GSE1: variants seen among roughly 807,000 people sequenced by gnomAD.
The protein encoded by GSE1 is Gse1 coiled-coil protein.
In GSE1, 32 loss-of-function variants were observed where a neutral mutation model predicts 112.6. The ratio of observed to expected loss-of-function variants is 0.28; its 90% CI spans 0.21 to 0.38. The LOEUF is 0.38. Among genes scored for constraint, GSE1 ranks in the 10% least tolerant of loss-of-function variants. GSE1 has a pLI of 1.00. For missense variants in GSE1, 2,348 were observed against 1,699.2 expected, an observed-to-expected ratio of 1.38 and a Z score of -6.71; for synonymous variants, 1,115 against 735.6, an observed-to-expected ratio of 1.52 and a Z score of -8.35.
chr16:85,364,240 C>G (rs1187856801), intron 2 of GSE1, among the ~76,000 whole-genome samples: 1 of 152,204 alleles, frequency 6.6e-6, no homozygotes. Context: ...CTCAGCGTCT[C>G]TCAGACCCTG....
At chr16:85,391,448 G>A (rs190182933) in intron 2 of GSE1, among the ~76,000 whole-genome samples, 5 of 152,250 alleles carry the variant, frequency 3.3e-5, no homozygotes, top group South Asian at 4.1e-4. Context: ...AAATCAAGGG[G>A]TTGGCAGGGC....
Position 85,579,002 on chromosome 16 carries a change from G to A in GSE1, c.37+22639G>A, listed in dbSNP as rs553109829. The stretch of plus-strand genomic sequence containing the variant: ...GCACAGTACCAGGCACACAGCAGGC[G>A]CTTAATCAATGTCAGTGGGCTGCCA... On this transcript the variant is annotated intron_variant, in intron 1 of 2. Coordinates refer to the GSE1 transcript ENST00000635906. 2.0e-5 allele frequency among the ~76,000 whole-genome samples: 3 copies of A among 152,254 alleles called. No homozygotes were observed. In the East Asian group the frequency reaches 5.8e-4, roughly 29 times the overall value.
At chr16:85,471,876 A>G (rs2050306638) in intron 2 of GSE1, among the ~76,000 whole-genome samples, 1 of 152,214 alleles carries the variant, frequency 6.6e-6, no homozygotes. Context: ...GTGCCTGGCT[A>G]AGCCCACATT....
intron 2 of GSE1, among the ~76,000 whole-genome samples, chr16:85,474,350 C>T (rs532939736): frequency 1.3e-5 from 2 of 152,278 alleles, no homozygotes; most frequent in East Asian, 3.9e-4. Flanking sequence ...TGCCCTCCTC[C>T]GCATCCTGCC....
intron 1 of GSE1, among the ~76,000 whole-genome samples, chr16:85,569,776 T>A (rs944617079): frequency 6.6e-6 from 1 of 152,212 alleles, no homozygotes; most frequent in East Asian, 1.9e-4. Flanking sequence ...GTGGCGTGCG[T>A]TGGGGAAAGC....
At chr16:85,524,887 G>T (rs561948576) in intron 2 of GSE1, among the ~76,000 whole-genome samples, 6 of 152,290 alleles carry the variant, frequency 3.9e-5, no homozygotes, top group East Asian at 1.9e-4. Context: ...GCATTGCTGG[G>T]ATCTCCCGAG....
At chr16:85,235,583 G>C (rs1016423812) in intron 1 of GSE1, among the ~76,000 whole-genome samples, 2 of 149,232 alleles carry the variant, frequency 1.3e-5, no homozygotes, top group African/African-American at 4.9e-5. Flanking sequence ...GGGTGGGGGG[G>C]GGGCGCGTGT....
rs116318720 is a variant in GSE1 at position 85,176,076 on chromosome 16, C to A, written c.2283+4269C>A. On this transcript the variant is annotated intron_variant, in intron 1 of 2. Transcript: ENST00000637419. ...CAATGTGCACTCACTGCAGCCTCCCCCTCCTGAGCTCAAGCAAACCTCCCA... is the reference window on the plus strand; with the variant it reads ...CAATGTGCACTCACTGCAGCCTCCCACTCCTGAGCTCAAGCAAACCTCCCA... Among the ~76,000 whole-genome samples the A allele has an allele frequency of 2.4e-3, 361 of 152,292 alleles. 1 individual carries two copies. Among genetic ancestry groups the A allele is most frequent in the African/African-American group, 8.3e-3 (346 of 41,546 alleles).
rs570295670 is a variant in GSE1 at position 85,223,170 on chromosome 16, G to A, written c.2283+51363G>A. ...CCTATGGTTATTATAAATCCTACAC[G>A]CTCCTGAATTCAGTCATGCCAAATG... On this transcript the variant is annotated intron_variant, in intron 1 of 2. Transcript: ENST00000637419. Among the ~76,000 whole-genome samples, 30 of 152,252 alleles carry A rather than the reference G, an allele frequency of 2.0e-4. No homozygotes were observed. In the South Asian group the frequency reaches 4.1e-3, roughly 21 times the overall value.
At chr16:85,625,238 C>T (rs937143313) in intron 1 of GSE1, among the ~76,000 whole-genome samples, 1 of 152,230 alleles carries the variant, frequency 6.6e-6, no homozygotes, top group African/African-American at 2.4e-5. Context: ...CTTCTCCGCA[C>T]ACACAGCAGC....
chr16:85,416,199 C>T (rs970323839), intron 2 of GSE1, among the ~76,000 whole-genome samples: 7 of 152,074 alleles, frequency 4.6e-5, no homozygotes, highest in Admixed American at 3.9e-4. Flanking sequence ...TACATTAGAG[C>T]GCCTTTACAA....
At chr16:85,619,213 C>G (rs549575100) in intron 1 of GSE1, among the ~76,000 whole-genome samples, 1 of 152,318 alleles carries the variant, frequency 6.6e-6, no homozygotes, top group African/African-American at 2.4e-5. Context: ...CACTCTGGGC[C>G]CAGGTGGCGG....
chr16:85,550,580 G>T (rs546970381), intron 2 of GSE1, among the ~76,000 whole-genome samples: 1 of 152,130 alleles, frequency 6.6e-6, no homozygotes, highest in African/African-American at 2.4e-5. Flanking sequence ...TCCAGAGGGG[G>T]GGGTTGTGGC....
At chr16:85,271,508 GGA>G (rs1908832060) in intron 1 of GSE1, among the ~76,000 whole-genome samples, 1 of 152,236 alleles carries the variant, frequency 6.6e-6, no homozygotes, top group African/African-American at 2.4e-5. Flanking sequence ...GGGGGTGAAA[GGA>G]GAGGCATCCC....
At chr16:85,478,717 G>A (rs988804166) in intron 2 of GSE1, among the ~76,000 whole-genome samples, 2 of 150,714 alleles carry the variant, frequency 1.3e-5, no homozygotes, top group Admixed American at 6.6e-5. Flanking sequence ...GCCCAGGCTG[G>A]AGTGCAGTGG....
intron 2 of GSE1, chr16:85,463,273 G>A (rs987517127): frequency 2.4e-5 from 5 of 204,186 alleles, no homozygotes; most frequent in Non-Finnish European, 3.5e-5. Flanking sequence ...GGCCACGCAC[G>A]TGCTCCCCAG....
chr16:85,653,116 T>G (rs192454246), intron 3 of GSE1, among the ~76,000 whole-genome samples: 16 of 141,640 alleles, frequency 1.1e-4, no homozygotes, highest in Non-Finnish European at 2.0e-4. Context: ...AGTGACAGAG[T>G]GACGCCTGGG....
chr16:85,416,444 C>A (rs980369082), intron 2 of GSE1, among the ~76,000 whole-genome samples: 1 of 152,070 alleles, frequency 6.6e-6, no homozygotes, highest in South Asian at 2.1e-4. Context: ...CGGCTCCTCC[C>A]GAGCAGGTGG....
chr16:85,524,904 G>A (rs550886001), intron 2 of GSE1, among the ~76,000 whole-genome samples: 15 of 152,258 alleles, frequency 9.9e-5, no homozygotes, highest in East Asian at 1.9e-4. Context: ...CGAGGCCCCC[G>A]AGGCCATGGA....
Sources: gnomAD v4.1 joint callset for allele counts (sites outside exome capture counted in the v4.1 genomes callset) on GRCh38, gnomAD v4.1.1 for gene constraint, MANE v1.5 for transcripts, NCBI Gene and HGNC (gene_info 2026-07-23, HGNC 2026-07-21) for gene names.